The following CEP250 variants were observed in gnomAD, a reference collection of about 807,000 sequenced individuals.
CEP250 encodes centrosome-associated protein CEP250.
Under a neutral mutation model 315.7 loss-of-function variants are expected in CEP250, and 242 were observed. That is an observed-to-expected ratio of 0.77 (90% CI 0.69 to 0.85). CEP250 has a LOEUF of 0.85. Among genes scored for constraint, CEP250 ranks in the 40% least tolerant of loss-of-function variants. The pLI is 0.00. For synonymous variants in CEP250, 1,088 were observed against 1,175.0 expected (o/e 0.93, Z 1.51); for missense variants, 2,515 against 2,886.4 (o/e 0.87, Z 2.95).
intron 32 of CEP250, 104 bp from the exon 33 acceptor site, chr20:35,508,839 C>T (rs79641104): frequency 1.9e-5 from 16 of 850,546 alleles, no homozygotes; most frequent in Non-Finnish European, 2.6e-5. Flanking sequence ...TGGTTACTGT[C>T]CCCTCATATA....
At chr20:35,494,243 A>G (rs1395735120) in intron 23 of CEP250, 3 of 325,478 alleles carry the variant, frequency 9.2e-6, no homozygotes, top group Non-Finnish European at 1.7e-5. Context: ...CAAAGTGTTG[A>G]GATTACAGGT....
At position 35,473,586 on chromosome 20, in the gene CEP250, G is replaced by A. The variant is rs540080638; in HGVS notation, c.1388+34G>A. 3.8e-6 allele frequency: 6 copies of A among 1,567,928 alleles called. No homozygotes were observed. The African/African-American group carries it at 5.4e-5, about 14-fold the overall frequency. On this transcript the variant is annotated intron_variant, in intron 13 of 34. Transcript: ENST00000397527. ...ACGGGCTGTTCATCCCACCCTCCCA[G>A]CCTGGTCTCAGTCTCAGTCACCATC...
At chr20:35,501,424 G>A (rs1220331997) in intron 28 of CEP250, among the ~76,000 whole-genome samples, 1 of 152,116 alleles carries the variant, frequency 6.6e-6, no homozygotes, top group Non-Finnish European at 1.5e-5. Context: ...CAAAAATAAT[G>A]GGATTCCAAC....
At chr20:35,456,084 G>T (rs1325226649) in intron 1 of CEP250, among the ~76,000 whole-genome samples, 1 of 152,122 alleles carries the variant, frequency 6.6e-6, no homozygotes, top group Non-Finnish European at 1.5e-5. Flanking sequence ...TAGTAGAGAC[G>T]GGGTTTCTCC....
intron 22 of CEP250, among the ~76,000 whole-genome samples, chr20:35,492,815 C>T (rs780541854): frequency 5.9e-5 from 9 of 152,194 alleles, no homozygotes; most frequent in Non-Finnish European, 1.0e-4. Flanking sequence ...GCAACCTTCG[C>T]CTCCCAGGTT....
intron 3 of CEP250, among the ~76,000 whole-genome samples, chr20:35,460,940 A>G (rs2034892903): frequency 6.6e-6 from 1 of 152,230 alleles, no homozygotes; most frequent in South Asian, 2.1e-4. Flanking sequence ...ATAGACAAGT[A>G]ATGATGATAA....
At chr20:35,493,965 T>G (rs993145011) in intron 23 of CEP250, among the ~76,000 whole-genome samples, 3 of 152,168 alleles carry the variant, frequency 2.0e-5, no homozygotes, top group African/African-American at 7.2e-5. Flanking sequence ...TTGGGAGTAG[T>G]TATAGTCAGC....
At chr20:35,496,506 A>C in intron 24 of CEP250, 71 bp from the exon 25 acceptor site, 2 of 1,288,680 alleles carry the variant, frequency 1.6e-6, no homozygotes, top group Non-Finnish European at 1.1e-6. Flanking sequence ...TATGTTTAGA[A>C]TACTCAGATG....
chr20:35,478,222 G>A, intron 17 of CEP250, 121 bp downstream of exon 17: 1 of 703,640 alleles, frequency 1.4e-6, no homozygotes, highest in Non-Finnish European at 2.4e-6. Context: ...AATGACCAGT[G>A]TTACTAGTTT....
Position 35,478,044 on chromosome 20 carries a change from G to T in CEP250, c.2037G>T (p.Gln679His). The T allele has an allele frequency of 1.9e-6, 3 of 1,614,110 alleles. No homozygotes were observed. The highest frequency in any genetic ancestry group is 2.5e-6 in the Non-Finnish European group (3 of 1,180,024). The change falls in exon 17 of 35, where the codon CAG becomes CAT. Residue 679 changes from glutamine (Q) to histidine (H), a missense_variant. Transcript: ENST00000397527. ...CTGAGGAGGCTGGGGCTGAGCTGCA[G>T]GCAGATCTCAGGGACATCCAAGAAG... The part of the protein sequence containing the change: ...QKAEEAGAEL[Q>H]ADLRDIQEEK...
Position 35,501,971 on chromosome 20 carries a change from AGTG to A in CEP250, c.4020+8_4020+10del, listed in dbSNP as rs2064019599. 1.9e-6 allele frequency: 3 copies of A among 1,610,836 alleles called. No homozygotes were observed. Among genetic ancestry groups the A allele is most frequent in the African/African-American group, 1.3e-5 (1 of 74,900 alleles). On this transcript the variant is annotated splice_donor_region_variant and intron_variant, in intron 29 of 34. Transcript: ENST00000397527. The stretch of plus-strand genomic sequence containing the variant: ...CTACAGCGAATGGAAGCCCAGGTAA[AGTG>A]GTACTGGTTTCAGGGAGGGGTTTGC...
Position 35,511,359 on chromosome 20 carries a change from C to G in CEP250, c.7066-4C>G, listed in dbSNP as rs369275164. The stretch of plus-strand genomic sequence containing the variant: ...CGCTTTTTTTTTTTTTTCCTGCCCA[C>G]CAGGTGGTCCTGCTGCAAGCTCAGC... On this transcript the variant is annotated splice_region_variant and splice_polypyrimidine_tract_variant and intron_variant, in intron 34 of 34. Coordinates refer to ENST00000397527, the MANE Select transcript of CEP250 (RefSeq NM_007186.6). The G allele has an allele frequency of 6.3e-7, 1 of 1,587,552 alleles. No individual in the cohort carries two copies. The highest frequency in any genetic ancestry group is 8.6e-7 in the Non-Finnish European group (1 of 1,164,532).
intron 1 of CEP250, among the ~76,000 whole-genome samples, chr20:35,458,103 T>C (rs997547219): frequency 2.6e-5 from 4 of 152,250 alleles, no homozygotes; most frequent in African/African-American, 9.6e-5. Flanking sequence ...CAAGTATTTT[T>C]CTGTTTTTGC....
At chr20:35,464,560 A>G (rs553435204) in intron 5 of CEP250, among the ~76,000 whole-genome samples, 1 of 152,232 alleles carries the variant, frequency 6.6e-6, no homozygotes, top group East Asian at 1.9e-4. Context: ...CAATCCTCCC[A>G]CTGCTGGGAT....
chr20:35,465,420 C>CAA (rs80078387), intron 5 of CEP250, among the ~76,000 whole-genome samples: 65 of 59,036 alleles, frequency 1.1e-3, no homozygotes, highest in Admixed American at 4.9e-3. Flanking sequence ...ACTCTGTCTC[C>CAA]AAAAAAAAAA....
At chr20:35,481,810 C>A (rs1349200465) in intron 20 of CEP250, among the ~76,000 whole-genome samples, 1 of 152,108 alleles carries the variant, frequency 6.6e-6, no homozygotes, top group African/African-American at 2.4e-5. Flanking sequence ...TCAGGTGATC[C>A]TCCCACCTCA....
In CEP250 at chr20:35,497,273, A is replaced by G. The variant is rs148497259; in HGVS notation, c.3307-446A>G. Among the ~76,000 whole-genome samples the G allele has an allele frequency of 2.4e-3, 369 of 152,330 alleles. 3 individuals carry two copies. The highest frequency in any genetic ancestry group is 8.6e-3 in the African/African-American group (358 of 41,572). On this transcript the variant is annotated intron_variant, in intron 25 of 34. Coordinates refer to ENST00000397527, the MANE Select transcript of CEP250 (RefSeq NM_007186.6). ...TAAGCTTTCTAATTGTGTGAACGTCAGCTTCTTCATCCATAAAACAAGGGT... is the reference window on the plus strand; with the variant it reads ...TAAGCTTTCTAATTGTGTGAACGTCGGCTTCTTCATCCATAAAACAAGGGT...
intron 14 of CEP250, among the ~76,000 whole-genome samples, chr20:35,475,122 C>T (rs1283116925): frequency 1.3e-5 from 2 of 152,150 alleles, no homozygotes; most frequent in Admixed American, 1.3e-4. Context: ...CATGAGCCCC[C>T]AGGAGTTTGA....
At chr20:35,500,387 C>G (rs1250671472) in intron 28 of CEP250, among the ~76,000 whole-genome samples, 4 of 152,204 alleles carry the variant, frequency 2.6e-5, no homozygotes, top group South Asian at 2.1e-4. Flanking sequence ...TGCGCCACCA[C>G]GCCTGGCTAA....
Sources: gnomAD v4.1 joint callset for allele counts (sites outside exome capture counted in the v4.1 genomes callset) on GRCh38, gnomAD v4.1.1 for gene constraint, MANE v1.5 for transcripts, NCBI Gene and HGNC (gene_info 2026-07-23, HGNC 2026-07-21) for gene names.